ADGRB3: variants seen among roughly 807,000 people sequenced by gnomAD.
ADGRB3 encodes the protein adhesion G protein-coupled receptor B3.
In ADGRB3, 37 loss-of-function variants were observed where a neutral mutation model predicts 193.4. That is an observed-to-expected ratio of 0.19 (90% CI 0.15 to 0.25). The LOEUF (loss-of-function observed/expected upper bound fraction) is 0.25. Among genes scored for constraint, ADGRB3 ranks in the 10% least tolerant of loss-of-function variants. The pLI, the probability that ADGRB3 is intolerant of heterozygous loss-of-function variation, is 1.00. For synonymous variants in ADGRB3, 690 were observed against 644.2 expected, an observed-to-expected ratio of 1.07 and a Z score of -1.08; for missense variants, 1,637 against 1,852.9, an observed-to-expected ratio of 0.88 and a Z score of 2.14.
intron 17 of ADGRB3, among the ~76,000 whole-genome samples, chr6:69,170,980 C>T (rs1021410431): frequency 4.6e-5 from 7 of 151,774 alleles, no homozygotes; most frequent in Non-Finnish European, 8.8e-5. Context: ...AGTAGCCATA[C>T]GAAAAGTAAA....
At chr6:68,899,526 G>C (rs1432755668) in intron 3 of ADGRB3, among the ~76,000 whole-genome samples, 1 of 144,922 alleles carries the variant, frequency 6.9e-6, no homozygotes, top group Non-Finnish European at 1.5e-5. Flanking sequence ...CCACCTATGA[G>C]TGAGAATATG....
At chr6:68,787,754 G>A (rs1296074888) in intron 3 of ADGRB3, among the ~76,000 whole-genome samples, 1 of 151,916 alleles carries the variant, frequency 6.6e-6, no homozygotes, top group African/African-American at 2.4e-5. Flanking sequence ...TGTACCTCTG[G>A]TAGAAATCGG....
intron 3 of ADGRB3, among the ~76,000 whole-genome samples, chr6:68,814,137 C>A (rs1417332844): frequency 6.6e-6 from 1 of 152,192 alleles, no homozygotes; most frequent in Non-Finnish European, 1.5e-5. Flanking sequence ...GCCACACTGA[C>A]TTCCACAATG....
intron 26 of ADGRB3, among the ~76,000 whole-genome samples, 187 bp downstream of exon 26, chr6:69,339,691 T>C (rs1476994389): frequency 1.3e-5 from 2 of 152,122 alleles, no homozygotes; most frequent in Non-Finnish European, 2.9e-5. Flanking sequence ...ACTCTGAAAG[T>C]GACAGATTAG....
intron 3 of ADGRB3, among the ~76,000 whole-genome samples, chr6:68,778,833 GTTTGGACTTAACCCAAACAGTATGAT>G (rs1766799370): frequency 1.3e-5 from 2 of 151,950 alleles, no homozygotes; most frequent in African/African-American, 2.4e-5. Flanking sequence ...GGCACTTCTG[GTTTGGACTTAACCCAAACAGTATGAT>G]CATTGTTTCT....
intron 3 of ADGRB3, among the ~76,000 whole-genome samples, chr6:68,911,724 G>A (rs1273966457): frequency 6.6e-6 from 1 of 151,986 alleles, no homozygotes; most frequent in African/African-American, 2.4e-5. Flanking sequence ...TAAGTTTAAG[G>A]CTGGCAATTA....
intron 20 of ADGRB3, among the ~76,000 whole-genome samples, chr6:69,300,187 T>C (rs1489339963): frequency 6.6e-6 from 1 of 151,848 alleles, no homozygotes; most frequent in Admixed American, 6.6e-5. Flanking sequence ...ATAAATGTCA[T>C]ACATCACACA....
chr6:69,187,593 C>T (rs1009184005), intron 17 of ADGRB3, among the ~76,000 whole-genome samples: 1 of 152,146 alleles, frequency 6.6e-6, no homozygotes, highest in Non-Finnish European at 1.5e-5. Context: ...GCTTATCATC[C>T]CCTTTGAAGT....
intron 17 of ADGRB3, among the ~76,000 whole-genome samples, chr6:69,199,018 C>T (rs181397473): frequency 2.2e-3 from 336 of 152,182 alleles, no homozygotes; most frequent in African/African-American, 7.6e-3. Flanking sequence ...AGGTCCATTA[C>T]CTGGTTCTGT....
chr6:69,049,225 G>C (rs973081732), intron 14 of ADGRB3, 46 bp from the exon 15 acceptor site: 33 of 1,364,424 alleles, frequency 2.4e-5, no homozygotes, highest in Admixed American at 3.6e-5. Flanking sequence ...ATAAGACATA[G>C]TATTTTCTTG....
At chr6:68,869,515 A>T (rs1156477558) in intron 3 of ADGRB3, among the ~76,000 whole-genome samples, 1 of 152,182 alleles carries the variant, frequency 6.6e-6, no homozygotes, top group African/African-American at 2.4e-5. Context: ...AGCATTTATG[A>T]TGCAAATAAT....
At chr6:68,791,075 T>A (rs1434591365) in intron 3 of ADGRB3, among the ~76,000 whole-genome samples, 1 of 151,202 alleles carries the variant, frequency 6.6e-6, no homozygotes, top group African/African-American at 2.4e-5. Context: ...AAGTCTTGTA[T>A]CTTTAAGTGA....
At chr6:68,658,539 C>T (rs1282717760) in intron 3 of ADGRB3, among the ~76,000 whole-genome samples, 2 of 151,296 alleles carry the variant, frequency 1.3e-5, no homozygotes, top group African/African-American at 2.4e-5. Flanking sequence ...TCTGCAATCT[C>T]ATCTCTCCCA....
rs1193374190 is a variant in ADGRB3, at chr6:68,893,401, C to A, written c.758-37158C>A. Among the ~76,000 whole-genome samples the A allele has an allele frequency of 4.0e-5, 6 of 151,770 alleles. No homozygotes were observed. The East Asian group carries it at 1.2e-3, about 29-fold the overall frequency. ...TTAAAATAAAAGACCTTGTCTGAGA[C>A]ATATCTTTAAAGTTAAATATAAAAA... On this transcript the variant is annotated intron_variant, in intron 3 of 31. Coordinates refer to ENST00000370598, the MANE Select transcript of ADGRB3 (RefSeq NM_001704.3).
chr6:69,265,609 A>G (rs935707591), intron 20 of ADGRB3, among the ~76,000 whole-genome samples: 1 of 152,150 alleles, frequency 6.6e-6, no homozygotes, highest in African/African-American at 2.4e-5. Flanking sequence ...TTCCAAAAAT[A>G]AAGAAATAAT....
intron 10 of ADGRB3, among the ~76,000 whole-genome samples, chr6:68,991,606 T>C (rs1013475972): frequency 5.4e-5 from 8 of 148,648 alleles, no homozygotes; most frequent in African/African-American, 2.0e-4. Flanking sequence ...CCCTGAGATA[T>C]GCATTTTCCT....
At chr6:69,189,712 A>T (rs984229278) in intron 17 of ADGRB3, among the ~76,000 whole-genome samples, 1 of 152,220 alleles carries the variant, frequency 6.6e-6, no homozygotes, top group Admixed American at 6.6e-5. Flanking sequence ...TAGATTGCTC[A>T]TCAATAAAAT....
chr6:68,688,835 G>A (rs1461715441), intron 3 of ADGRB3, among the ~76,000 whole-genome samples: 1 of 152,124 alleles, frequency 6.6e-6, no homozygotes. Flanking sequence ...ACAGACCACA[G>A]GACTTGATTG....
At chr6:69,146,157 A>G (rs1024486229) in intron 17 of ADGRB3, among the ~76,000 whole-genome samples, 5 of 152,098 alleles carry the variant, frequency 3.3e-5, no homozygotes, top group African/African-American at 1.2e-4. Flanking sequence ...GTGAGTGCCA[A>G]GCTGCCCTCA....
Sources: gnomAD v4.1 joint callset for allele counts (sites outside exome capture counted in the v4.1 genomes callset) on GRCh38, gnomAD v4.1.1 for gene constraint, MANE v1.5 for transcripts, NCBI Gene and HGNC (gene_info 2026-07-23, HGNC 2026-07-21) for gene names.